Variants in FMR1 observed in about 807,000 individuals in gnomAD.
The protein encoded by FMR1 is FMRP translational regulator 1.
FMR1 carries 13 observed loss-of-function variants against 50.6 expected under a neutral mutation model. That is an observed-to-expected ratio of 0.26 (90% CI 0.17 to 0.41). FMR1 has a LOEUF of 0.41. FMR1 is among the 10% of genes least tolerant of loss of function. The pLI is 1.00. For missense variants in FMR1, 316 were observed against 491.3 expected, an observed-to-expected ratio of 0.64 and a Z score of 3.37; for synonymous variants, 138 against 164.1, an observed-to-expected ratio of 0.84 and a Z score of 1.22.
At chrX:147,914,113 C>T (rs1353121903) in intron 1 of FMR1, 2 of 112,274 alleles carry the variant, frequency 1.8e-5, no homozygotes, top group Non-Finnish European at 3.8e-5. Context: ...GCTATTAATT[C>T]CCTCCTTTTT....
At chrX:147,915,164 A>G (rs1223570575) in intron 1 of FMR1, among the ~76,000 whole-genome samples, 1 of 111,755 alleles carries the variant, frequency 8.9e-6, no homozygotes, top group African/African-American at 3.3e-5. Flanking sequence ...TCAGTGTTTG[A>G]GGACAGACTT....
In FMR1 at chrX:147,949,723, C is replaced by A. The variant is rs1185971376; in HGVS notation, c.*879C>A. 2 of 328,796 alleles carry A rather than the reference C, an allele frequency of 6.1e-6. No homozygotes were observed. Among genetic ancestry groups the A allele is most frequent in the East Asian group, 1.9e-4 (2 of 10,294 alleles). The allele number at this position is 328,796 out of a possible 1,213,427, so 27.1% of individuals were successfully genotyped here. On this transcript the variant is annotated 3_prime_UTR_variant, in exon 17 of 17. Coordinates refer to ENST00000370475, the MANE Select transcript of FMR1 (RefSeq NM_002024.6). ...ATGTTTTCAGCTAGGAACAAATCTT[C>A]CTGGTCGAAAGTTAGTAGGATATGC...
chrX:147,923,668 A>G (rs182363306), intron 2 of FMR1, among the ~76,000 whole-genome samples: 11 of 111,956 alleles, frequency 9.8e-5, no homozygotes, highest in South Asian at 3.7e-4. Flanking sequence ...GGACCTTCCA[A>G]TTATTTATCT....
At chrX:147,930,106 G>A in intron 6 of FMR1, 22 bp from the exon 7 acceptor site, 5 of 1,161,683 alleles carry the variant, frequency 4.3e-6, no homozygotes, top group Non-Finnish European at 5.9e-6. Flanking sequence ...TGATAATAAT[G>A]TTGTTAATTT....
intron 16 of FMR1, 48 bp downstream of exon 16, chrX:147,945,664 T>G: frequency 1.1e-6 from 1 of 916,886 alleles, no homozygotes; most frequent in Non-Finnish European, 1.6e-6. Flanking sequence ...AATATGGTAG[T>G]TTGAGATTTA....
Position 147,912,132 on chromosome X carries a change from C to T in FMR1, c.-48C>T. The T allele has an allele frequency of 9.6e-7, 1 of 1,039,657 alleles. No individual in the cohort carries two copies. 85.7% of individuals were successfully genotyped at this position (1,039,657 alleles called of 1,213,427 possible). A position where few individuals can be genotyped will look rare whatever the true frequency, so the allele number is the denominator to read the frequency against. The stretch of plus-strand genomic sequence containing the variant: ...GCGGCTGGGCCTCGAGCGCCCGCAG[C>T]CCACCTCTCGGGGGCGGGCTCCCGG... On this transcript the variant is annotated 5_prime_UTR_variant, in exon 1 of 17. Transcript: ENST00000370475.
Position 147,932,505 on chromosome X carries a change from T to C in FMR1, c.711T>C (p.His237=), listed in dbSNP as rs2124520985. ...TGATGGGTCTAGCTATTGGTACTCA[T>C]GGTGCTAATATTCAGCAAGCTAGAA... The part of the protein sequence containing the change: ...EDLMGLAIGT[H]GANIQQARKV... The change falls in exon 8 of 17, where the codon CAT becomes CAC. Residue 237 remains histidine (H), a synonymous_variant. Coordinates refer to ENST00000370475, the MANE Select transcript of FMR1 (RefSeq NM_002024.6). The C allele has an allele frequency of 8.3e-7, 1 of 1,204,136 alleles. No homozygotes were observed. The highest frequency in any genetic ancestry group is 3.0e-5 in the East Asian group (1 of 33,812).
intron 1 of FMR1, among the ~76,000 whole-genome samples, chrX:147,917,385 C>T (rs1296768903): frequency 8.9e-6 from 1 of 111,734 alleles, no homozygotes; most frequent in Non-Finnish European, 1.9e-5. Context: ...ATTGTAATTA[C>T]CTCTTTGGCC....
rs974289532 is a variant in FMR1 at position 147,945,434 on chromosome X, G to C, written c.1655-100G>C. On this transcript the variant is annotated intron_variant, in intron 15 of 16. Coordinates refer to ENST00000370475, the MANE Select transcript of FMR1 (RefSeq NM_002024.6). ...TCACTGGGGTATTGATTACATTTCA[G>C]ATTCTGTGGTTGGTTTAAATAGAGG... 12 of 640,499 alleles carry C rather than the reference G, an allele frequency of 1.9e-5. No individual in the cohort carries two copies. In the East Asian group the frequency reaches 2.4e-4, roughly 13 times the overall value. The allele number at this position is 640,499 out of a possible 1,213,427, so 52.8% of individuals were successfully genotyped here. A position where few individuals can be genotyped will look rare whatever the true frequency, so the allele number is the denominator to read the frequency against.
At chrX:147,916,724 TTTC>T (rs1377192363) in intron 1 of FMR1, among the ~76,000 whole-genome samples, 1 of 111,109 alleles carries the variant, frequency 9.0e-6, no homozygotes, top group Non-Finnish European at 1.9e-5. Flanking sequence ...TGTTTCTTTG[TTTC>T]TTTAGTTTGT....
intron 2 of FMR1, among the ~76,000 whole-genome samples, chrX:147,923,729 GGA>G (rs782406524): frequency 1.8e-5 from 2 of 111,698 alleles, no homozygotes; most frequent in African/African-American, 6.5e-5. Flanking sequence ...TGTCATCCTG[GGA>G]GTTTGAAATA....
intron 13 of FMR1, among the ~76,000 whole-genome samples, chrX:147,941,322 T>C (rs1557180892): frequency 8.9e-6 from 1 of 112,092 alleles, no homozygotes; most frequent in African/African-American, 3.2e-5. Flanking sequence ...TTCCCTACAC[T>C]AGATGCTTCT....
At chrX:147,936,717 T>C in intron 10 of FMR1, 104 bp downstream of exon 10, 1 of 531,605 alleles carries the variant, frequency 1.9e-6, no homozygotes, top group South Asian at 2.6e-5. Flanking sequence ...AATGCAAATA[T>C]TCTGATTATC....
In FMR1 at chrX:147,930,171, A is replaced by G; in HGVS notation, c.557A>G (p.Asp186Gly). The G allele has an allele frequency of 2.5e-6, 3 of 1,209,834 alleles. No homozygotes were observed. Among genetic ancestry groups the G allele is most frequent in the Non-Finnish European group, 3.4e-6 (3 of 893,706 alleles). Residue 186 changes from aspartate to glycine, a missense_variant, in exon 7 of 17, where the codon GAC becomes GGC. Asp to Gly is a moderately conservative substitution (Grantham distance 94). Coordinates refer to ENST00000370475, the MANE Select transcript of FMR1 (RefSeq NM_002024.6). ...VTSKRAHMLI[D>G]MHFRSLRTKL... ...TCAAAGCGAGCACATATGCTGATTG[A>G]CATGCACTTTCGGAGTCTGCGCACT...
rs193922936 is a variant in FMR1 at position 147,912,049 on chromosome X, CGCGGCGGCGGCGGCGGCGGCG to C, written c.-120_-100del. On this transcript the variant is annotated 5_prime_UTR_variant, in exon 1 of 17. Coordinates refer to ENST00000370475, the MANE Select transcript of FMR1 (RefSeq NM_002024.6). The stretch of plus-strand genomic sequence containing the variant: ...GCCGCTGCCAGGGGGCGTGCGGCAG[CGCGGCGGCGGCGGCGGCGGCG>C]GCGGCGGCGGAGGCGGCGGCGGCGG... 2 of 41,503 alleles carry C rather than the reference CGCGGCGGCGGCGGCGGCGGCG, an allele frequency of 4.8e-5. No homozygotes were observed. Among genetic ancestry groups the C allele is most frequent in the African/African-American group, 1.0e-4 (1 of 9,773 alleles). The allele number at this position is 41,503 out of a possible 1,213,427, so 3.4% of individuals were successfully genotyped here. A position where few individuals can be genotyped will look rare whatever the true frequency, so the allele number is the denominator to read the frequency against.
intron 3 of FMR1, chrX:147,928,065 A>C (rs2043452401): frequency 3.3e-6 from 1 of 302,581 alleles, no homozygotes; most frequent in Non-Finnish European, 5.7e-6. Context: ...AGCACTAATT[A>C]TTGCTGAATT....
chrX:147,932,800 A>G, intron 9 of FMR1, 37 bp downstream of exon 9: 1 of 958,273 alleles, frequency 1.0e-6, no homozygotes. Context: ...TAGTACAACA[A>G]CTAAGTTTAG....
intron 9 of FMR1, chrX:147,933,351 ATCTT>A (rs2043674361): frequency 3.4e-6 from 2 of 587,815 alleles, no homozygotes; most frequent in Non-Finnish European, 4.9e-6. Flanking sequence ...TTTGTATTTG[ATCTT>A]TCTTATGGGA....
intron 12 of FMR1, 131 bp downstream of exon 12, chrX:147,938,292 C>A: frequency 1.8e-6 from 1 of 565,532 alleles, no homozygotes; most frequent in Non-Finnish European, 3.1e-6. Context: ...TATGTGGATC[C>A]ATTGCCCTGG....
Sources: allele counts gnomAD v4.1 joint callset (sites outside exome capture counted in the v4.1 genomes callset), GRCh38; gene constraint gnomAD v4.1.1; transcripts MANE v1.5; gene names NCBI Gene and HGNC (gene_info 2026-07-23, HGNC 2026-07-21).